The following CTNNA3 variants were observed in gnomAD, a reference collection of about 807,000 sequenced individuals.
CTNNA3 encodes the protein catenin alpha 3.
In CTNNA3, 76 loss-of-function variants were observed where a neutral mutation model predicts 95.7. That is an observed-to-expected ratio of 0.79 (90% CI 0.66 to 0.96). The LOEUF (loss-of-function observed/expected upper bound fraction) is 0.96. Among genes scored for constraint, CTNNA3 ranks in the 40% least tolerant of loss-of-function variants. The pLI, the probability that CTNNA3 is intolerant of heterozygous loss-of-function variation, is 0.00. For missense variants in CTNNA3, 1,191 were observed against 1,089.8 expected (o/e 1.09, Z -1.31); for synonymous variants, 431 against 374.4 (o/e 1.15, Z -1.74).
At chr10:66,385,830 A>G (rs2092885651) in intron 11 of CTNNA3, among the ~76,000 whole-genome samples, 1 of 152,192 alleles carries the variant, frequency 6.6e-6, no homozygotes. Context: ...AACAAAATCA[A>G]CAACAAAAAA....
chr10:66,771,579 G>C (rs1840088693), intron 8 of CTNNA3, among the ~76,000 whole-genome samples: 1 of 152,176 alleles, frequency 6.6e-6, no homozygotes, highest in Non-Finnish European at 1.5e-5. Flanking sequence ...CCCTGGTGTG[G>C]TGATTACACA....
intron 12 of CTNNA3, among the ~76,000 whole-genome samples, chr10:66,335,105 A>G (rs1200964087): frequency 6.6e-6 from 1 of 151,806 alleles, no homozygotes; most frequent in Non-Finnish European, 1.5e-5. Flanking sequence ...ACTTCTCTGC[A>G]TTGGTTATTC....
intron 17 of CTNNA3, among the ~76,000 whole-genome samples, chr10:65,956,899 T>G (rs1261821520): frequency 2.6e-5 from 4 of 152,198 alleles, no homozygotes; most frequent in African/African-American, 9.7e-5. Context: ...AGATGTCTAT[T>G]AGGTCTGCTT....
chr10:67,603,255 C>T lies in CTNNA3; in HGVS notation c.292+3602G>A, dbSNP rs187016878. Among the ~76,000 whole-genome samples, 8 of 152,244 alleles carry T rather than the reference C, an allele frequency of 5.3e-5. No homozygotes were observed. The South Asian group carries it at 1.7e-3, about 32-fold the overall frequency. On this transcript the variant is annotated intron_variant, in intron 3 of 17. Transcript: ENST00000433211. ...TGAATTAGAAAAGCAATCCAAGTGA[C>T]GGGAATAAGGTCATGTTTTGCATAA... is the stretch of plus-strand genomic sequence containing the variant.
intron 14 of CTNNA3, among the ~76,000 whole-genome samples, chr10:66,070,386 A>G (rs1273131357): frequency 6.6e-6 from 1 of 152,126 alleles, no homozygotes; most frequent in African/African-American, 2.4e-5. Context: ...CTGACTCACG[A>G]ATAGAAATGG....
chr10:67,559,848 C>T (rs756264633), intron 3 of CTNNA3, among the ~76,000 whole-genome samples: 23 of 152,146 alleles, frequency 1.5e-4, no homozygotes, highest in Middle Eastern at 3.4e-3. Context: ...ATGCAGAAGC[C>T]TCAGGAGCCG....
At chr10:66,074,565 T>C (rs1322183514) in intron 14 of CTNNA3, among the ~76,000 whole-genome samples, 1 of 151,904 alleles carries the variant, frequency 6.6e-6, no homozygotes, top group Non-Finnish European at 1.5e-5. Context: ...CCCCAATTTG[T>C]TGGTCCAAAT....
intron 13 of CTNNA3, among the ~76,000 whole-genome samples, chr10:66,188,795 G>A (rs1053404817): frequency 9.2e-5 from 14 of 151,940 alleles, no homozygotes. Context: ...AGTTTCTTAA[G>A]GAACAGCTAT....
At chr10:66,246,369 C>T (rs2090327270) in intron 13 of CTNNA3, among the ~76,000 whole-genome samples, 1 of 152,036 alleles carries the variant, frequency 6.6e-6, no homozygotes, top group Non-Finnish European at 1.5e-5. Context: ...AGGTTGGAGT[C>T]TGCAGCCACA....
At chr10:67,248,420 T>C (rs1181227605) in intron 5 of CTNNA3, among the ~76,000 whole-genome samples, 1 of 152,070 alleles carries the variant, frequency 6.6e-6, no homozygotes, top group Non-Finnish European at 1.5e-5. Flanking sequence ...GTTTTTGTTT[T>C]GTTTGTTTGT....
intron 7 of CTNNA3, among the ~76,000 whole-genome samples, chr10:67,034,975 C>T (rs1429847418): frequency 1.3e-5 from 2 of 152,182 alleles, no homozygotes; most frequent in Non-Finnish European, 2.9e-5. Flanking sequence ...ATACTAGGAA[C>T]TCTTGGAAGG....
chr10:66,887,326 T>C (rs1845080239), intron 7 of CTNNA3, among the ~76,000 whole-genome samples: 1 of 152,184 alleles, frequency 6.6e-6, no homozygotes, highest in African/African-American at 2.4e-5. Context: ...TCTTTCTCAG[T>C]AGTAATGCCC....
At chr10:66,939,166 G>A (rs188041724) in intron 7 of CTNNA3, among the ~76,000 whole-genome samples, 2 of 152,242 alleles carry the variant, frequency 1.3e-5, no homozygotes, top group Admixed American at 6.5e-5. Flanking sequence ...AAGTAGTAAT[G>A]CTCATCTTTT....
At chr10:66,993,871 C>T (rs1308971402) in intron 7 of CTNNA3, among the ~76,000 whole-genome samples, 6 of 151,832 alleles carry the variant, frequency 4.0e-5, no homozygotes, top group African/African-American at 9.7e-5. Flanking sequence ...TCTTCTTATC[C>T]GATTTATTCT....
chr10:66,199,269 T>C (rs1172299067), intron 13 of CTNNA3, among the ~76,000 whole-genome samples: 1 of 152,190 alleles, frequency 6.6e-6, no homozygotes, highest in African/African-American at 2.4e-5. Flanking sequence ...AAAGATTGAC[T>C]GTATTAAAAG....
upstream of CTNNA3, among the ~76,000 whole-genome samples, chr10:67,698,285 T>A (rs1420483336): frequency 6.6e-6 from 1 of 151,994 alleles, no homozygotes; most frequent in Non-Finnish European, 1.5e-5. Context: ...TCAGGGCCAT[T>A]ACTAGCAATT....
rs1467550342 is a variant in CTNNA3, at chr10:65,920,454, T to C, written c.2564A>G (p.Lys855Arg). 4 of 1,614,052 alleles carry C rather than the reference T, an allele frequency of 2.5e-6. No individual in the cohort carries two copies. Among genetic ancestry groups the C allele is most frequent in the Admixed American group, 3.3e-5 (2 of 59,990 alleles). Residue 855 changes from lysine to arginine, a missense_variant, in exon 18 of 18, where the codon AAA becomes AGA. Transcript: ENST00000433211. ...CTTCTCTCTTTTAATCAAGGGTTTTTTTGCAGGAGCCTTCATTCTCCACAT... is the reference window on the plus strand; with the variant it reads ...CTTCTCTCTTTTAATCAAGGGTTTTCTTGCAGGAGCCTTCATTCTCCACAT... ...VVMWRMKAPA[K>R]KPLIKREKPE...
intron 3 of CTNNA3, among the ~76,000 whole-genome samples, chr10:67,571,336 T>G (rs1841969201): frequency 6.6e-6 from 1 of 152,184 alleles, no homozygotes; most frequent in Admixed American, 6.6e-5. Context: ...CCCTTTATTT[T>G]TTCTGTCATT....
chr10:67,338,328 G>T (rs1311464865), intron 5 of CTNNA3, among the ~76,000 whole-genome samples: 10 of 151,998 alleles, frequency 6.6e-5, no homozygotes, highest in African/African-American at 2.4e-4. Flanking sequence ...TAAACAATCA[G>T]ATCTCATATG....
Sources: gnomAD v4.1 joint callset for allele counts (sites outside exome capture counted in the v4.1 genomes callset) on GRCh38, gnomAD v4.1.1 for gene constraint, MANE v1.5 for transcripts, NCBI Gene and HGNC (gene_info 2026-07-23, HGNC 2026-07-21) for gene names.